Variants in ADAMTS6 observed in about 807,000 individuals in gnomAD.
ADAMTS6 encodes ADAM metallopeptidase with thrombospondin type 1 motif 6.
Under a neutral mutation model 144.3 loss-of-function variants are expected in ADAMTS6, and 23 were observed. The ratio of observed to expected loss-of-function variants is 0.16; its 90% CI spans 0.11 to 0.23. The LOEUF is 0.23. Ranked by LOEUF, ADAMTS6 falls within the 10% of genes least tolerant of loss-of-function variation. ADAMTS6 has a pLI of 1.00. For missense variants in ADAMTS6, 999 were observed against 1,379.6 expected, an observed-to-expected ratio of 0.72 and a Z score of 4.37; for synonymous variants, 444 against 457.5, an observed-to-expected ratio of 0.97 and a Z score of 0.38.
Position 65,172,686 on chromosome 5 carries a change from ACT to A in ADAMTS6, c.3087+144_3087+145del, listed in dbSNP as rs199768051. 4.8e-3 allele frequency: 4,453 copies of A among 922,294 alleles called. 128 individuals carry two copies. The African/African-American group carries it at 0.067, about 14-fold the overall frequency. 57.1% of individuals were successfully genotyped at this position (922,294 alleles called of 1,614,324 possible). On this transcript the variant is annotated intron_variant, in intron 23 of 24. Coordinates refer to ENST00000381055, the MANE Select transcript of ADAMTS6 (RefSeq NM_197941.4). ...CACATGTGGTGGCTGTGGTTTGTGC[ACT>A]GTTTCACACTCATGCCTCATACTTA...
At chr5:65,429,344 A>G (rs1756812146) in intron 7 of ADAMTS6, among the ~76,000 whole-genome samples, 1 of 152,126 alleles carries the variant, frequency 6.6e-6, no homozygotes, top group Non-Finnish European at 1.5e-5. Context: ...CATCAGACTT[A>G]TCATAAAATG....
chr5:65,457,013 A>C (rs1289605148), intron 4 of ADAMTS6, among the ~76,000 whole-genome samples: 1 of 152,232 alleles, frequency 6.6e-6, no homozygotes, highest in African/African-American at 2.4e-5. Context: ...ATGCCTATAA[A>C]TTCACATCTC....
intron 15 of ADAMTS6, among the ~76,000 whole-genome samples, chr5:65,232,250 C>T (rs891571889): frequency 6.6e-5 from 10 of 151,962 alleles, no homozygotes; most frequent in East Asian, 5.8e-4. Context: ...CAATAAATGT[C>T]TAACATGAAA....
At chr5:65,394,519 T>G (rs1753183228) in intron 7 of ADAMTS6, among the ~76,000 whole-genome samples, 1 of 152,174 alleles carries the variant, frequency 6.6e-6, no homozygotes, top group African/African-American at 2.4e-5. Flanking sequence ...AATAAAAAGC[T>G]GGACATGTCA....
At chr5:65,282,890 C>T (rs1321649531) in intron 11 of ADAMTS6, among the ~76,000 whole-genome samples, 1 of 152,062 alleles carries the variant, frequency 6.6e-6, no homozygotes, top group Admixed American at 6.5e-5. Flanking sequence ...GGTTGAGGAG[C>T]TTAGGATTTT....
intron 7 of ADAMTS6, among the ~76,000 whole-genome samples, chr5:65,436,245 C>T (rs1162072193): frequency 1.3e-5 from 2 of 152,066 alleles, no homozygotes; most frequent in African/African-American, 4.8e-5. Flanking sequence ...CATGCACACA[C>T]TCACAAAGCC....
intron 14 of ADAMTS6, among the ~76,000 whole-genome samples, chr5:65,260,254 A>G (rs1761059948): frequency 6.7e-6 from 1 of 150,232 alleles, no homozygotes; most frequent in Admixed American, 6.6e-5. Flanking sequence ...GCAGTGGCAA[A>G]CATAAAATGG....
At chr5:65,162,148 A>AC (rs1319037084) in intron 24 of ADAMTS6, among the ~76,000 whole-genome samples, 4 of 152,234 alleles carry the variant, frequency 2.6e-5, no homozygotes, top group Non-Finnish European at 5.9e-5. Context: ...TATTCTGCCT[A>AC]CTCTGAAAAT....
Position 65,188,230 on chromosome 5 carries a change from GA to G in ADAMTS6, c.2706-11del. On this transcript the variant is annotated splice_polypyrimidine_tract_variant and intron_variant, in intron 21 of 24. Transcript: ENST00000381055. ...ATCCCCAATGAACCACCTGCAGCAA[GA>G]CATGGAAGAAACACAGAAAAGCATT... The G allele has an allele frequency of 1.9e-6, 3 of 1,612,558 alleles. No homozygotes were observed. The highest frequency in any genetic ancestry group is 2.5e-6 in the Non-Finnish European group (3 of 1,179,856).
chr5:65,176,501 T>A (rs935263031), intron 22 of ADAMTS6, among the ~76,000 whole-genome samples: 28 of 152,216 alleles, frequency 1.8e-4, no homozygotes, highest in African/African-American at 6.8e-4. Context: ...TTTTAAAACG[T>A]TAATTGTAAA....
At chr5:65,183,202 C>T (rs941358031) in intron 22 of ADAMTS6, among the ~76,000 whole-genome samples, 6 of 152,120 alleles carry the variant, frequency 3.9e-5, no homozygotes, top group Non-Finnish European at 7.4e-5. Context: ...TTACTTATTC[C>T]TTCTGCTTTC....
At chr5:65,429,230 A>G (rs573188366) in intron 7 of ADAMTS6, among the ~76,000 whole-genome samples, 1 of 152,328 alleles carries the variant, frequency 6.6e-6, no homozygotes, top group South Asian at 2.1e-4. Flanking sequence ...ACAGACACAA[A>G]GAAGAATCTG....
intron 7 of ADAMTS6, among the ~76,000 whole-genome samples, chr5:65,341,712 G>T (rs949075952): frequency 6.6e-6 from 1 of 152,016 alleles, no homozygotes; most frequent in African/African-American, 2.4e-5. Context: ...AGACTTCTAA[G>T]AAAGAAAAGT....
At position 65,212,305 on chromosome 5, in the gene ADAMTS6, A is replaced by G. The variant is rs1756586888; in HGVS notation, c.2575+2489T>C. Among the ~76,000 whole-genome samples, 3 of 151,392 alleles carry G rather than the reference A, an allele frequency of 2.0e-5. No individual in the cohort carries two copies. In the South Asian group the frequency reaches 6.3e-4, roughly 32 times the overall value. On this transcript the variant is annotated intron_variant, in intron 20 of 24. Coordinates refer to ENST00000381055, the MANE Select transcript of ADAMTS6 (RefSeq NM_197941.4). The stretch of plus-strand genomic sequence containing the variant: ...GAATGCTCATAATCACCCACAACCA[A>G]CCCTAATGTGAGTTCCCAGAACCAC...
In ADAMTS6 at chr5:65,401,068, CTG is replaced by C. The variant is rs371008204; in HGVS notation, c.1073+50405_1073+50406del. ...CTGATGCTTGCTCTGTCTCTTCAAA[CTG>C]TGTTTTTTGCCTCTCAGTATGCCTT... On this transcript the variant is annotated intron_variant, in intron 7 of 24. Transcript: ENST00000381055. 2.3e-3 allele frequency among the ~76,000 whole-genome samples: 346 copies of C among 152,252 alleles called. 4 individuals carry two copies. The highest frequency in any genetic ancestry group is 8.1e-3 in the African/African-American group (336 of 41,540).
intron 20 of ADAMTS6, among the ~76,000 whole-genome samples, chr5:65,212,011 C>T (rs1756565135): frequency 6.6e-6 from 1 of 152,152 alleles, no homozygotes; most frequent in African/African-American, 2.4e-5. Context: ...TTTGGTTTCT[C>T]TGTCAGCCAA....
chr5:65,228,938 C>T (rs947789657), intron 15 of ADAMTS6, among the ~76,000 whole-genome samples: 1 of 152,188 alleles, frequency 6.6e-6, no homozygotes, highest in Admixed American at 6.5e-5. Context: ...ACTCATGAGC[C>T]ATTTGAGATG....
At chr5:65,367,593 A>G (rs1032976784) in intron 7 of ADAMTS6, among the ~76,000 whole-genome samples, 1 of 152,136 alleles carries the variant, frequency 6.6e-6, no homozygotes, top group East Asian at 1.9e-4. Context: ...TGACTGGTCA[A>G]TACTGGAGTA....
intron 7 of ADAMTS6, among the ~76,000 whole-genome samples, chr5:65,376,274 T>G (rs925640744): frequency 6.6e-6 from 1 of 151,552 alleles, no homozygotes; most frequent in Non-Finnish European, 1.5e-5. Flanking sequence ...TAATAAAAAA[T>G]AAAAACATAA....
Sources: gnomAD v4.1 joint callset for allele counts (sites outside exome capture counted in the v4.1 genomes callset) on GRCh38, gnomAD v4.1.1 for gene constraint, MANE v1.5 for transcripts, NCBI Gene and HGNC (gene_info 2026-07-23, HGNC 2026-07-21) for gene names.